Variants in PDE4D observed in about 807,000 individuals in gnomAD.
PDE4D encodes the protein 3',5'-cyclic-AMP phosphodiesterase 4D.
In PDE4D, 24 loss-of-function variants were observed where a neutral mutation model predicts 87.4. That is an observed-to-expected ratio of 0.27 (90% confidence interval 0.20 to 0.39). The LOEUF (loss-of-function observed/expected upper bound fraction) is 0.39, where lower values mean the gene tolerates loss of function less well. Ranked by LOEUF, PDE4D falls within the 10% of genes least tolerant of loss-of-function variation. The pLI, the probability that PDE4D is intolerant of heterozygous loss-of-function variation, is 1.00. For synonymous variants in PDE4D, 384 were observed against 383.2 expected (o/e 1.00, Z -0.02); for missense variants, 714 against 1,041.0 (o/e 0.69, Z 4.32).
intron 1 of PDE4D, among the ~76,000 whole-genome samples, chr5:59,694,141 T>C (rs1751400479): frequency 1.3e-5 from 2 of 152,220 alleles, no homozygotes; most frequent in Non-Finnish European, 2.9e-5. Context: ...TTTTCAAATA[T>C]CTTGGCCATG....
intron 1 of PDE4D, among the ~76,000 whole-genome samples, chr5:60,513,935 T>C (rs185886793): frequency 6.6e-6 from 1 of 150,804 alleles, no homozygotes; most frequent in Admixed American, 6.6e-5. Flanking sequence ...TATAATTATA[T>C]AAGAACAGCA....
chr5:59,926,043 A>G (rs938309981), intron 3 of PDE4D, among the ~76,000 whole-genome samples: 1 of 152,198 alleles, frequency 6.6e-6, no homozygotes, highest in Admixed American at 6.5e-5. Flanking sequence ...AGAAGATTTC[A>G]TCAATGGCTG....
chr5:60,291,873 G>A lies in PDE4D; in HGVS notation c.-89-106186C>T, dbSNP rs140647477. Among the ~76,000 whole-genome samples, 4 of 152,218 alleles carry A rather than the reference G, an allele frequency of 2.6e-5. No homozygotes were observed. The East Asian group carries it at 7.7e-4, about 29-fold the overall frequency. ...TAAATAAAAATGTTTGCACACAGAT[G>A]TTCCCTAATAATTTGTATGCAATAT... On this transcript the variant is annotated intron_variant, in intron 1 of 16. Transcript: ENST00000502484.
intron 1 of PDE4D, among the ~76,000 whole-genome samples, chr5:59,456,257 G>T (rs1799909221): frequency 6.6e-6 from 1 of 152,130 alleles, no homozygotes; most frequent in African/African-American, 2.4e-5. Context: ...CCAGTGGGAG[G>T]TGATTCAATT....
At chr5:60,123,603 T>A (rs1293470546) in intron 2 of PDE4D, among the ~76,000 whole-genome samples, 4 of 151,774 alleles carry the variant, frequency 2.6e-5, no homozygotes, top group African/African-American at 9.7e-5. Context: ...GGGAGTACAA[T>A]TCAAGATGAG....
chr5:59,160,773 T>A (rs983883136), intron 5 of PDE4D, among the ~76,000 whole-genome samples: 6 of 152,184 alleles, frequency 3.9e-5, no homozygotes, highest in African/African-American at 1.4e-4. Flanking sequence ...GTAATATGCC[T>A]GTGATTTCTG....
intron 1 of PDE4D, among the ~76,000 whole-genome samples, chr5:59,730,610 C>T (rs1489636267): frequency 6.6e-6 from 1 of 152,060 alleles, no homozygotes; most frequent in African/African-American, 2.4e-5. Context: ...CTCATTCTCC[C>T]CTTTCATTTT....
intron 1 of PDE4D, among the ~76,000 whole-genome samples, chr5:60,253,770 A>T (rs978099182): frequency 6.6e-6 from 1 of 151,904 alleles, no homozygotes; most frequent in African/African-American, 2.4e-5. Flanking sequence ...GTATGAAATC[A>T]AAAGGAGCTA....
intron 3 of PDE4D, among the ~76,000 whole-genome samples, chr5:59,942,646 T>A (rs1757305636): frequency 1.3e-5 from 2 of 152,096 alleles, no homozygotes; most frequent in Non-Finnish European, 2.9e-5. Flanking sequence ...ATTGCAATAT[T>A]CATTACATTT....
chr5:59,355,954 C>T (rs1034918129), intron 1 of PDE4D, among the ~76,000 whole-genome samples: 4 of 152,036 alleles, frequency 2.6e-5, no homozygotes, highest in African/African-American at 9.7e-5. Context: ...TAAGAAAGAC[C>T]TTATATCCAA....
chr5:60,486,417 T>A (rs1229026246), intron 1 of PDE4D, among the ~76,000 whole-genome samples: 3 of 152,228 alleles, frequency 2.0e-5, no homozygotes, highest in East Asian at 3.8e-4. Context: ...ATTACATTTT[T>A]AAAAATCTAT....
rs969362441 is a variant in PDE4D at position 59,836,605 on chromosome 5, C to T, written c.455+56563G>A. On this transcript the variant is annotated intron_variant, in intron 1 of 14. Coordinates refer to ENST00000340635, the MANE Select transcript of PDE4D (RefSeq NM_001104631.2). Reference sequence around the variant, plus strand: ...TATACTCACTACTTTTTCTGTCTTACCACTTCCAAGATGTATCTATCTATC... The same window carrying T: ...TATACTCACTACTTTTTCTGTCTTATCACTTCCAAGATGTATCTATCTATC... Among the ~76,000 whole-genome samples the T allele has an allele frequency of 5.8e-5, 8 of 137,864 alleles. No individual in the cohort carries two copies. The East Asian group carries it at 1.2e-3, about 21-fold the overall frequency. The allele number at this position is 137,864 out of a possible 152,430, so 90.4% of individuals were successfully genotyped here.
chr5:59,589,949 A>AAACTATG (rs1825690456), intron 1 of PDE4D, among the ~76,000 whole-genome samples: 1 of 152,208 alleles, frequency 6.6e-6, no homozygotes, highest in Non-Finnish European at 1.5e-5. Flanking sequence ...CACAACTGAG[A>AAACTATG]AACTATGATA....
chr5:59,051,640 A>T (rs1761567090), intron 5 of PDE4D, among the ~76,000 whole-genome samples: 1 of 152,206 alleles, frequency 6.6e-6, no homozygotes, highest in African/African-American at 2.4e-5. Context: ...ACACGAACCT[A>T]CCAAAAGCTA....
chr5:59,097,801 C>A (rs2153431869), intron 5 of PDE4D, among the ~76,000 whole-genome samples: 1 of 152,228 alleles, frequency 6.6e-6, no homozygotes, highest in Middle Eastern at 3.4e-3. Flanking sequence ...CAAGGAAGGT[C>A]AATTACAAGC....
chr5:59,399,002 C>T (rs76199488), intron 1 of PDE4D, among the ~76,000 whole-genome samples: 45,680 of 103,740 alleles, frequency 0.44, 16,658 homozygotes, highest in African/African-American at 0.62. Flanking sequence ...GAGAATAAAA[C>T]ACCTAGGAAT....
chr5:59,261,921 G>A (rs1762074654), intron 1 of PDE4D, among the ~76,000 whole-genome samples: 1 of 151,642 alleles, frequency 6.6e-6, no homozygotes, highest in Admixed American at 6.6e-5. Flanking sequence ...TCTAACCCAG[G>A]GAAAGTATTT....
At chr5:59,549,690 C>A (rs1233681093) in intron 1 of PDE4D, among the ~76,000 whole-genome samples, 1 of 152,066 alleles carries the variant, frequency 6.6e-6, no homozygotes, top group Non-Finnish European at 1.5e-5. Flanking sequence ...ACCCACCCAA[C>A]CCACTCCACA....
intron 2 of PDE4D, among the ~76,000 whole-genome samples, chr5:59,210,346 AACTC>A (rs1265308894): frequency 1.3e-5 from 2 of 152,200 alleles, no homozygotes; most frequent in Non-Finnish European, 2.9e-5. Context: ...TCCTTTTTCA[AACTC>A]AGGACTGGAA....
Sources: gnomAD v4.1 joint callset for allele counts (sites outside exome capture counted in the v4.1 genomes callset) on GRCh38, gnomAD v4.1.1 for gene constraint, MANE v1.5 for transcripts, NCBI Gene and HGNC (gene_info 2026-07-23, HGNC 2026-07-21) for gene names.